MAGI2: variants seen among roughly 807,000 people sequenced by gnomAD.
The protein encoded by MAGI2 is membrane-associated guanylate kinase, WW and PDZ domain-containing protein 2.
A neutral mutation model predicts 133.3 loss-of-function variants in MAGI2; 35 were observed. That is an observed-to-expected ratio of 0.26 (90% CI 0.20 to 0.35). The LOEUF (loss-of-function observed/expected upper bound fraction) is 0.35, where lower values mean the gene tolerates loss of function less well. Among genes scored for constraint, MAGI2 ranks in the 10% least tolerant of loss-of-function variants. The pLI is 1.00. For synonymous variants in MAGI2, 729 were observed against 710.6 expected (o/e 1.03, Z -0.41); for missense variants, 1,636 against 1,863.4 (o/e 0.88, Z 2.25).
chr7:78,296,662 C>T (rs906144879), intron 9 of MAGI2, among the ~76,000 whole-genome samples: 1 of 152,152 alleles, frequency 6.6e-6, no homozygotes, highest in Non-Finnish European at 1.5e-5. Context: ...CATTTATTAG[C>T]TCACTCCCTT....
At chr7:78,313,635 A>T (rs1167963933) in intron 9 of MAGI2, among the ~76,000 whole-genome samples, 1 of 152,082 alleles carries the variant, frequency 6.6e-6, no homozygotes, top group Admixed American at 6.5e-5. Context: ...GGTACAAAAA[A>T]AAAAGTCAAG....
intron 1 of MAGI2, among the ~76,000 whole-genome samples, chr7:79,117,061 T>C (rs577483495): frequency 4.6e-4 from 70 of 152,326 alleles, no homozygotes; most frequent in African/African-American, 1.5e-3. Flanking sequence ...AAAGCACATT[T>C]GCTGAATGAA....
At chr7:78,673,477 T>A (rs1000189672) in intron 2 of MAGI2, among the ~76,000 whole-genome samples, 1 of 151,922 alleles carries the variant, frequency 6.6e-6, no homozygotes, top group African/African-American at 2.4e-5. Context: ...AACCAGGAAA[T>A]CTGATGGTGT....
Position 79,266,754 on chromosome 7 carries a change from G to A in MAGI2, c.301+186266C>T, listed in dbSNP as rs138067916. Among the ~76,000 whole-genome samples the A allele has an allele frequency of 2.8e-4, 42 of 152,212 alleles. No homozygotes were observed. The East Asian group carries it at 6.2e-3, about 22-fold the overall frequency. On this transcript the variant is annotated intron_variant, in intron 1 of 21. Transcript: ENST00000354212. ...GTTGGTCAAGGTGACTATGGTCAGG[G>A]CTACTAGAGCATATGGAAAGTTGAG...
At chr7:79,451,254 G>A (rs538201094) in intron 1 of MAGI2, among the ~76,000 whole-genome samples, 2 of 152,142 alleles carry the variant, frequency 1.3e-5, no homozygotes, top group Non-Finnish European at 2.9e-5. Context: ...ATTTAACAAC[G>A]CTTAACTTTT....
intron 3 of MAGI2, among the ~76,000 whole-genome samples, chr7:78,567,646 A>G (rs1388228992): frequency 7.2e-5 from 11 of 152,106 alleles, no homozygotes; most frequent in African/African-American, 2.4e-4. Flanking sequence ...CCCCTACTCA[A>G]TAACATCACT....
chr7:78,081,133 C>T (rs1815921778), intron 20 of MAGI2, among the ~76,000 whole-genome samples: 2 of 152,138 alleles, frequency 1.3e-5, no homozygotes, highest in African/African-American at 4.8e-5. Flanking sequence ...GAATCTTCTC[C>T]TATGGGTGCC....
intron 1 of MAGI2, among the ~76,000 whole-genome samples, chr7:79,356,861 T>G (rs1487673308): frequency 2.6e-5 from 4 of 152,144 alleles, no homozygotes; most frequent in African/African-American, 9.7e-5. Flanking sequence ...GAGATTACTC[T>G]TTACATCAAT....
intron 21 of MAGI2, among the ~76,000 whole-genome samples, 193 bp from the exon 22 acceptor site, chr7:78,020,169 C>T (rs1267249341): frequency 6.7e-6 from 1 of 148,860 alleles, no homozygotes; most frequent in African/African-American, 2.4e-5. Context: ...GGGGTTCCCT[C>T]CGCCCCGCTT....
At chr7:78,675,736 G>C (rs1279689988) in intron 2 of MAGI2, among the ~76,000 whole-genome samples, 3 of 152,118 alleles carry the variant, frequency 2.0e-5, no homozygotes, top group African/African-American at 4.8e-5. Flanking sequence ...GACACGCCAT[G>C]AATCATGACC....
chr7:78,297,247 A>C (rs1479419881), intron 9 of MAGI2, among the ~76,000 whole-genome samples: 2 of 152,164 alleles, frequency 1.3e-5, no homozygotes, highest in East Asian at 3.9e-4. Flanking sequence ...ATCACTGGCC[A>C]TCAGAGAAAT....
At chr7:78,288,604 G>A (rs953225120) in intron 9 of MAGI2, among the ~76,000 whole-genome samples, 3 of 152,154 alleles carry the variant, frequency 2.0e-5, no homozygotes, top group South Asian at 2.1e-4. Context: ...GAGTGTAGTG[G>A]TTCTCCCAGC....
intron 1 of MAGI2, among the ~76,000 whole-genome samples, chr7:79,425,947 C>T (rs1366197793): frequency 6.6e-6 from 1 of 152,134 alleles, no homozygotes; most frequent in Non-Finnish European, 1.5e-5. Flanking sequence ...AAAGGCACCA[C>T]ATAATTTTTA....
At chr7:79,045,719 G>A (rs1406487299) in intron 1 of MAGI2, among the ~76,000 whole-genome samples, 1 of 152,134 alleles carries the variant, frequency 6.6e-6, no homozygotes, top group African/African-American at 2.4e-5. Context: ...GTGAACCCGG[G>A]AGGCAGAGCT....
At chr7:78,667,064 T>C (rs1030526594) in intron 2 of MAGI2, among the ~76,000 whole-genome samples, 10 of 152,146 alleles carry the variant, frequency 6.6e-5, no homozygotes, top group African/African-American at 2.2e-4. Context: ...AATTGTAGAT[T>C]TACAAGAAGC....
At chr7:78,136,777 A>G (rs974988047) in intron 16 of MAGI2, among the ~76,000 whole-genome samples, 4 of 152,220 alleles carry the variant, frequency 2.6e-5, no homozygotes, top group African/African-American at 9.6e-5. Flanking sequence ...TGAACTCTCA[A>G]TCTTGCACAT....
intron 1 of MAGI2, among the ~76,000 whole-genome samples, chr7:79,244,544 A>G (rs1012640718): frequency 2.0e-5 from 3 of 152,202 alleles, no homozygotes; most frequent in Admixed American, 2.0e-4. Flanking sequence ...GTGGATGCCC[A>G]TAGAGGGAGC....
At chr7:78,657,316 C>G (rs1226668946) in intron 2 of MAGI2, among the ~76,000 whole-genome samples, 1 of 152,194 alleles carries the variant, frequency 6.6e-6, no homozygotes, top group Non-Finnish European at 1.5e-5. Context: ...AGCAATTACA[C>G]TCCTTGATAT....
chr7:78,386,140 A>AATGTAATC (rs1413333446), intron 6 of MAGI2, among the ~76,000 whole-genome samples: 2 of 152,182 alleles, frequency 1.3e-5, no homozygotes, highest in African/African-American at 4.8e-5. Context: ...AGGAATAAAA[A>AATGTAATC]ATGTAATCTC....
Sources: allele counts gnomAD v4.1 joint callset (sites outside exome capture counted in the v4.1 genomes callset), GRCh38; gene constraint gnomAD v4.1.1; transcripts MANE v1.5; gene names NCBI Gene and HGNC (gene_info 2026-07-23, HGNC 2026-07-21).